Variants in CHCHD3 observed in about 807,000 individuals in gnomAD.
CHCHD3 encodes MICOS complex subunit MIC19.
In CHCHD3, 20 loss-of-function variants were observed where a neutral mutation model predicts 38.2. That is an observed-to-expected ratio of 0.52 (90% CI 0.37 to 0.76). The LOEUF (loss-of-function observed/expected upper bound fraction) is 0.76, where lower values mean the gene tolerates loss of function less well. Ranked by LOEUF, CHCHD3 falls within the 30% of genes least tolerant of loss-of-function variation. The pLI is 0.00. For synonymous variants in CHCHD3, 82 were observed against 100.0 expected, an observed-to-expected ratio of 0.82 and a Z score of 1.07; for missense variants, 245 against 279.2, an observed-to-expected ratio of 0.88 and a Z score of 0.87.
intron 4 of CHCHD3, among the ~76,000 whole-genome samples, chr7:132,932,861 C>T (rs1198449735): frequency 6.6e-6 from 1 of 152,182 alleles, no homozygotes; most frequent in Non-Finnish European, 1.5e-5. Flanking sequence ...CCCCATGAGG[C>T]CCTTCATCTA....
intron 6 of CHCHD3, among the ~76,000 whole-genome samples, chr7:132,836,327 C>G (rs1165191727): frequency 6.6e-6 from 1 of 152,072 alleles, no homozygotes; most frequent in African/African-American, 2.4e-5. Flanking sequence ...GCCACGTTGC[C>G]CAGGCTGATC....
intron 4 of CHCHD3, among the ~76,000 whole-genome samples, chr7:132,900,860 G>A (rs1809648501): frequency 6.6e-6 from 1 of 152,024 alleles, no homozygotes; most frequent in Non-Finnish European, 1.5e-5. Flanking sequence ...GTGTGGTGGT[G>A]GGCACCTGTG....
rs1225385843 is a variant in CHCHD3, at chr7:132,985,045, G to A, written c.252-9759C>T. Among the ~76,000 whole-genome samples, 9 of 95,112 alleles carry A rather than the reference G, an allele frequency of 9.5e-5. 1 individual carries two copies. Among genetic ancestry groups the A allele is most frequent in the African/African-American group, 3.5e-4 (9 of 25,566 alleles). 62.4% of individuals were successfully genotyped at this position (95,112 alleles called of 152,430 possible). ...GGAGGTGGGGGTCAGCCCCCCGCCC[G>A]GCCAGCCGCCCCGTCCGGAAGGGAG... On this transcript the variant is annotated intron_variant, in intron 3 of 7. Transcript: ENST00000262570.
chr7:132,891,853 C>T (rs778477644), intron 4 of CHCHD3, among the ~76,000 whole-genome samples: 2 of 152,162 alleles, frequency 1.3e-5, no homozygotes, highest in Admixed American at 6.5e-5. Context: ...AAGCATTTGA[C>T]GGTTCCTCCT....
At chr7:132,973,986 C>G in intron 4 of CHCHD3, 2 of 1,287,718 alleles carry the variant, frequency 1.6e-6, no homozygotes, top group Non-Finnish European at 2.0e-6. Flanking sequence ...GCTAAGCAGT[C>G]AACACTCCAG....
chr7:133,025,813 G>A (rs1283917040), intron 2 of CHCHD3, among the ~76,000 whole-genome samples: 1 of 152,146 alleles, frequency 6.6e-6, no homozygotes, highest in Non-Finnish European at 1.5e-5. Flanking sequence ...CAGGACCTAA[G>A]TTTTATTTCA....
At chr7:132,817,070 A>C (rs1483410274) in intron 6 of CHCHD3, among the ~76,000 whole-genome samples, 1 of 152,220 alleles carries the variant, frequency 6.6e-6, no homozygotes, top group Admixed American at 6.5e-5. Context: ...AACTAAAAGA[A>C]AGATGGCGAT....
intron 3 of CHCHD3, among the ~76,000 whole-genome samples, chr7:133,007,622 A>G (rs908404333): frequency 6.6e-6 from 1 of 152,100 alleles, no homozygotes; most frequent in Admixed American, 6.6e-5. Context: ...ACAAGGGTAG[A>G]GAGAAACTAG....
intron 6 of CHCHD3, among the ~76,000 whole-genome samples, chr7:132,823,074 T>C (rs897758414): frequency 1.3e-5 from 2 of 152,356 alleles, no homozygotes; most frequent in South Asian, 4.1e-4. Flanking sequence ...TTTATTAACA[T>C]ATCTACTCAT....
intron 4 of CHCHD3, among the ~76,000 whole-genome samples, chr7:132,974,737 G>A (rs1316634293): frequency 2.6e-5 from 4 of 152,118 alleles, no homozygotes; most frequent in African/African-American, 7.2e-5. Context: ...AGCTGGGCAC[G>A]ATGGCAGGTG....
intron 5 of CHCHD3, among the ~76,000 whole-genome samples, chr7:132,863,420 G>A (rs1166552886): frequency 6.6e-6 from 1 of 152,198 alleles, no homozygotes; most frequent in African/African-American, 2.4e-5. Flanking sequence ...GCTGTAAACA[G>A]ACGTGCTACC....
rs189539854 is a variant in CHCHD3 at position 132,863,074 on chromosome 7, C to T, written c.453+22588G>A. ...TATTTTGACCTCTTCCCATGAATCA[C>T]GAATGTTCTTAATGGCATCTAGAAT... On this transcript the variant is annotated intron_variant, in intron 5 of 7. Transcript: ENST00000262570. Among the ~76,000 whole-genome samples the T allele has an allele frequency of 1.4e-4, 21 of 152,300 alleles. No individual in the cohort carries two copies. The East Asian group carries it at 3.1e-3, about 22-fold the overall frequency.
intron 3 of CHCHD3, among the ~76,000 whole-genome samples, chr7:133,021,295 T>C (rs1462161805): frequency 2.6e-5 from 4 of 152,186 alleles, no homozygotes; most frequent in African/African-American, 9.7e-5. Flanking sequence ...TTTCATAGGG[T>C]ACACCAAATA....
intron 6 of CHCHD3, among the ~76,000 whole-genome samples, chr7:132,831,478 T>C (rs533205796): frequency 2.2e-4 from 33 of 152,174 alleles, no homozygotes; most frequent in Admixed American, 4.6e-4. Context: ...CAGCTGCAGA[T>C]ACAAATACAC....
intron 4 of CHCHD3, among the ~76,000 whole-genome samples, chr7:132,942,874 T>A (rs963061009): frequency 5.3e-5 from 8 of 152,180 alleles, no homozygotes; most frequent in African/African-American, 1.9e-4. Flanking sequence ...CTACATCCCA[T>A]GTGCAGCCTA....
intron 4 of CHCHD3, among the ~76,000 whole-genome samples, chr7:132,953,339 C>T (rs1302452701): frequency 2.6e-5 from 4 of 152,148 alleles, no homozygotes; most frequent in African/African-American, 7.2e-5. Context: ...CTCCCCACAA[C>T]GAGGCTCCTA....
chr7:133,022,974 T>C (rs1029206673), intron 3 of CHCHD3, among the ~76,000 whole-genome samples: 1 of 146,650 alleles, frequency 6.8e-6, no homozygotes, highest in Non-Finnish European at 1.5e-5. Context: ...AAACTAAATA[T>C]GAGAATCTAA....
At chr7:132,979,236 A>G (rs1811851824) in intron 3 of CHCHD3, among the ~76,000 whole-genome samples, 1 of 152,210 alleles carries the variant, frequency 6.6e-6, no homozygotes, top group Non-Finnish European at 1.5e-5. Context: ...GAGGGGCATT[A>G]TATTATCTCC....
chr7:132,897,912 T>A (rs1386743954), intron 4 of CHCHD3, among the ~76,000 whole-genome samples: 1 of 152,180 alleles, frequency 6.6e-6, no homozygotes, highest in African/African-American at 2.4e-5. Context: ...AAAGGCAGCG[T>A]GTCCGGAGTT....
Sources: gnomAD v4.1 joint callset for allele counts (sites outside exome capture counted in the v4.1 genomes callset) on GRCh38, gnomAD v4.1.1 for gene constraint, MANE v1.5 for transcripts, NCBI Gene and HGNC (gene_info 2026-07-23, HGNC 2026-07-21) for gene names.